Variants in PDE1C observed in about 807,000 individuals in gnomAD.
PDE1C encodes phosphodiesterase 1C.
In PDE1C, 62 loss-of-function variants were observed where a neutral mutation model predicts 93.1. That is an observed-to-expected ratio of 0.67 (90% CI 0.54 to 0.82). The LOEUF is 0.82. PDE1C is among the 40% of genes least tolerant of loss of function. The pLI is 0.00. For missense variants in PDE1C, 742 were observed against 884.6 expected (o/e 0.84, Z 2.04); for synonymous variants, 325 against 310.1 (o/e 1.05, Z -0.50).
chr7:31,891,094 C>A (rs1025589205), intron 2 of PDE1C, among the ~76,000 whole-genome samples: 1 of 152,140 alleles, frequency 6.6e-6, no homozygotes, highest in African/African-American at 2.4e-5. Flanking sequence ...GTTGTCTGTC[C>A]CACCTTGTGG....
Position 32,258,140 on chromosome 7 carries a change from A to G in PDE1C, c.85+40511T>C, listed in dbSNP as rs1809942032. ...GGGCCAAAGGCAGGTTTCTGCTCTA[A>G]GAAGGACACTGACTTAGAGTCAGGG... On this transcript the variant is annotated intron_variant, in intron 1 of 18. Transcript: ENST00000396193. Among the ~76,000 whole-genome samples the G allele has an allele frequency of 2.0e-5, 3 of 152,244 alleles. 1 individual carries two copies. Among genetic ancestry groups the G allele is most frequent in the Admixed American group, 2.0e-4 (3 of 15,290 alleles).
the PDE1C span, among the ~76,000 whole-genome samples, chr7:31,726,185 T>C: frequency 1.3e-5 from 2 of 152,162 alleles, no homozygotes; most frequent in African/African-American, 4.8e-5. Context: ...TCTCCCGCTT[T>C]AATCTCCCAA....
chr7:31,718,598 G>A, the PDE1C span, among the ~76,000 whole-genome samples: 1 of 152,164 alleles, frequency 6.6e-6, no homozygotes, highest in East Asian at 1.9e-4. Flanking sequence ...GGGATATGAG[G>A]ATCAGCACCA....
chr7:32,078,019 C>T (rs1297620625), intron 3 of PDE1C: 1 of 985,384 alleles, frequency 1.0e-6, no homozygotes, highest in Non-Finnish European at 1.2e-6. Flanking sequence ...TCAGAATACA[C>T]TGCCAACCCA....
chr7:31,785,752 G>A (rs1322099807), intron 16 of PDE1C: 1 of 151,990 alleles, frequency 6.6e-6, no homozygotes, highest in African/African-American at 2.4e-5. Flanking sequence ...ACTGTCTAAT[G>A]CAAATGACTC....
chr7:32,235,015 T>A (rs573769280), intron 1 of PDE1C, among the ~76,000 whole-genome samples: 1 of 152,190 alleles, frequency 6.6e-6, no homozygotes, highest in South Asian at 2.1e-4. Context: ...TATGATCATA[T>A]CAGTTGATGC....
intron 2 of PDE1C, among the ~76,000 whole-genome samples, chr7:31,927,910 C>A (rs902512388): frequency 2.0e-5 from 3 of 152,090 alleles, no homozygotes; most frequent in African/African-American, 7.2e-5. Flanking sequence ...TCCTCTCCAA[C>A]AAGGGCACAC....
At chr7:32,199,073 A>G (rs574390749) in intron 2 of PDE1C, among the ~76,000 whole-genome samples, 23 of 152,228 alleles carry the variant, frequency 1.5e-4, no homozygotes, top group African/African-American at 5.5e-4. Context: ...CAGTGAACCA[A>G]GATCGCTCCA....
At chr7:32,245,782 A>C (rs1038969163) in intron 1 of PDE1C, among the ~76,000 whole-genome samples, 1 of 152,142 alleles carries the variant, frequency 6.6e-6, no homozygotes, top group Non-Finnish European at 1.5e-5. Context: ...GTTTACAGAC[A>C]GTGCCTCCTT....
chr7:31,961,800 G>A (rs150577152), intron 2 of PDE1C, among the ~76,000 whole-genome samples: 107 of 152,134 alleles, frequency 7.0e-4, no homozygotes, highest in East Asian at 3.1e-3. Context: ...CCAAACTAAG[G>A]CAAAAACCAA....
intron 1 of PDE1C, among the ~76,000 whole-genome samples, chr7:32,367,395 G>T (rs1784248201): frequency 6.6e-6 from 1 of 152,106 alleles, no homozygotes; most frequent in South Asian, 2.1e-4. Flanking sequence ...AATGATGAGA[G>T]TAAGTTCTCA....
intron 2 of PDE1C, among the ~76,000 whole-genome samples, chr7:32,050,946 C>T (rs1173491872): frequency 6.6e-6 from 1 of 152,196 alleles, no homozygotes; most frequent in Non-Finnish European, 1.5e-5. Context: ...TTAATAGCCA[C>T]ATAGGTTAGG....
At chr7:32,349,808 T>C (rs534906652) in intron 1 of PDE1C, among the ~76,000 whole-genome samples, 1 of 152,222 alleles carries the variant, frequency 6.6e-6, no homozygotes, top group East Asian at 1.9e-4. Flanking sequence ...TTTTGTATTT[T>C]TAGTAGAGAC....
chr7:31,665,426 C>T, the PDE1C span, among the ~76,000 whole-genome samples: 2 of 152,138 alleles, frequency 1.3e-5, no homozygotes, highest in Non-Finnish European at 2.9e-5. Flanking sequence ...GGAAGAGAAA[C>T]TTGTCTCTCT....
intron 11 of PDE1C, among the ~76,000 whole-genome samples, chr7:31,836,903 C>T (rs1791185930): frequency 6.6e-6 from 1 of 151,914 alleles, no homozygotes; most frequent in Non-Finnish European, 1.5e-5. Context: ...GTAAAAGAAC[C>T]CCTCAAATGA....
chr7:32,392,437 TC>T (rs1445965134), intron 1 of PDE1C, among the ~76,000 whole-genome samples: 3 of 152,150 alleles, frequency 2.0e-5, no homozygotes, highest in Admixed American at 2.0e-4. Context: ...TATTCCCAAC[TC>T]ATTCTATGAG....
At chr7:31,877,649 C>T (rs1385435076) in intron 5 of PDE1C, among the ~76,000 whole-genome samples, 2 of 149,436 alleles carry the variant, frequency 1.3e-5, no homozygotes, top group African/African-American at 4.9e-5. Flanking sequence ...ATGCTGAATA[C>T]TTACAGCCAT....
At chr7:31,794,069 C>CAGATAGATAGATAGATAGATAGAT (rs1562807857) in intron 16 of PDE1C, among the ~76,000 whole-genome samples, 2 of 134,504 alleles carry the variant, frequency 1.5e-5, no homozygotes, top group South Asian at 2.6e-4. Flanking sequence ...GACAGACAGA[C>CAGATAGATAGATAGATAGATAGAT]AGACAGACAG....
chr7:32,062,020 A>C (rs1268732604), intron 1 of PDE1C, among the ~76,000 whole-genome samples: 1 of 151,816 alleles, frequency 6.6e-6, no homozygotes, highest in African/African-American at 2.4e-5. Flanking sequence ...TAATCTCCAG[A>C]CTCACTTATC....
Sources: allele counts gnomAD v4.1 joint callset (sites outside exome capture counted in the v4.1 genomes callset), GRCh38; gene constraint gnomAD v4.1.1; transcripts MANE v1.5; gene names NCBI Gene and HGNC (gene_info 2026-07-23, HGNC 2026-07-21).